The following SMAD3 variants were observed in gnomAD, a reference collection of about 807,000 sequenced individuals.
SMAD3 encodes SMAD family member 3, also known as MAD homolog 3.
In SMAD3, 12 loss-of-function variants were observed where a neutral mutation model predicts 51.8. The ratio of observed to expected loss-of-function variants is 0.23; its 90% CI spans 0.15 to 0.38. The LOEUF (loss-of-function observed/expected upper bound fraction) is 0.38, where lower values mean the gene tolerates loss of function less well. SMAD3 is among the 10% of genes least tolerant of loss of function. The pLI is 1.00. For missense variants in SMAD3, 294 were observed against 565.6 expected, an observed-to-expected ratio of 0.52 and a Z score of 4.87; for synonymous variants, 238 against 227.7, an observed-to-expected ratio of 1.05 and a Z score of -0.41.
At chr15:67,165,113 G>A in intron 2 of SMAD3, 25 bp downstream of exon 2, 3 of 1,613,160 alleles carry the variant, frequency 1.9e-6, no homozygotes, top group East Asian at 2.2e-5. Context: ...CTGCCTGTGG[G>A]GACAGCAGGT....
chr15:67,163,343 C>T (rs1962481885), intron 1 of SMAD3, among the ~76,000 whole-genome samples: 1 of 152,130 alleles, frequency 6.6e-6, no homozygotes, highest in Non-Finnish European at 1.5e-5. Flanking sequence ...AAGTCTCTTT[C>T]CTTACCACTG....
At chr15:67,100,960 G>T (rs1960741272) in intron 1 of SMAD3, among the ~76,000 whole-genome samples, 1 of 152,212 alleles carries the variant, frequency 6.6e-6, no homozygotes, top group Non-Finnish European at 1.5e-5. Context: ...TATGTTCTGG[G>T]TCACTGAGGA....
At chr15:67,116,196 C>T (rs1436758714) in intron 1 of SMAD3, among the ~76,000 whole-genome samples, 2 of 152,232 alleles carry the variant, frequency 1.3e-5, no homozygotes, top group Non-Finnish European at 2.9e-5. Context: ...TGTCTGAGAG[C>T]AGCTCCCAGA....
intron 1 of SMAD3, among the ~76,000 whole-genome samples, chr15:67,161,139 C>T (rs1338882953): frequency 6.6e-6 from 1 of 152,124 alleles, no homozygotes; most frequent in South Asian, 2.1e-4. Flanking sequence ...TGAAGATTAT[C>T]TTTTTTACAT....
chr15:67,141,373 C>T (rs911853661), intron 1 of SMAD3, among the ~76,000 whole-genome samples: 3 of 152,222 alleles, frequency 2.0e-5, no homozygotes, highest in Non-Finnish European at 4.4e-5. Context: ...TTCCATGCTT[C>T]TCCCTGAGAT....
At chr15:67,099,783 T>C (rs1480614169) in intron 1 of SMAD3, among the ~76,000 whole-genome samples, 1 of 152,242 alleles carries the variant, frequency 6.6e-6, no homozygotes, top group African/African-American at 2.4e-5. Context: ...TAGATTATCT[T>C]ATTTAATTGT....
chr15:67,137,010 A>T (rs1347783), intron 1 of SMAD3, among the ~76,000 whole-genome samples: 152,301 of 152,366 alleles, frequency 1, 76,118 homozygotes, highest in Non-Finnish European at 1. Flanking sequence ...CCACCATGCC[A>T]GTTCATCAGG....
intron 1 of SMAD3, among the ~76,000 whole-genome samples, chr15:67,105,287 A>G (rs1960851340): frequency 6.6e-6 from 1 of 152,120 alleles, no homozygotes; most frequent in Admixed American, 6.5e-5. Context: ...GGGAGGGAGT[A>G]GCTGCCTCTG....
chr15:67,094,353 TCATCCCAC>T (rs1960571016), intron 1 of SMAD3, among the ~76,000 whole-genome samples: 1 of 152,200 alleles, frequency 6.6e-6, no homozygotes, highest in South Asian at 2.1e-4. Flanking sequence ...TCTGGGCCCC[TCATCCCAC>T]CATCCCACCC....
chr15:67,085,127 C>T (rs1185488295), intron 1 of SMAD3, among the ~76,000 whole-genome samples: 1 of 152,198 alleles, frequency 6.6e-6, no homozygotes, highest in African/African-American at 2.4e-5. Context: ...AGTGAGGAGA[C>T]TGAGCATTTC....
chr15:67,117,774 G>T (rs1961168607), intron 1 of SMAD3, among the ~76,000 whole-genome samples: 1 of 152,222 alleles, frequency 6.6e-6, no homozygotes, highest in Admixed American at 6.5e-5. Context: ...CATGTAATGA[G>T]AATGTACAGA....
chr15:67,082,678 T>G (rs1046180838), intron 1 of SMAD3, among the ~76,000 whole-genome samples: 2 of 152,212 alleles, frequency 1.3e-5, no homozygotes, highest in Non-Finnish European at 2.9e-5. Context: ...GACGGAACTT[T>G]CTGCAGATAG....
At chr15:67,098,299 C>T (rs773546340) in intron 1 of SMAD3, among the ~76,000 whole-genome samples, 2 of 124,322 alleles carry the variant, frequency 1.6e-5, no homozygotes, top group Admixed American at 8.8e-5. Context: ...CCCCACCACC[C>T]AAGACAGATT....
chr15:67,184,346 A>G (rs1229075337), intron 6 of SMAD3, among the ~76,000 whole-genome samples: 1 of 152,052 alleles, frequency 6.6e-6, no homozygotes, highest in African/African-American at 2.4e-5. Context: ...GCCTCAAGTG[A>G]TCCTCCCACC....
At chr15:67,108,824 T>C (rs138353616) in intron 1 of SMAD3, among the ~76,000 whole-genome samples, 1 of 152,166 alleles carries the variant, frequency 6.6e-6, no homozygotes, top group East Asian at 1.9e-4. Flanking sequence ...ACTTAGTAGA[T>C]TGAAAATGAC....
At chr15:67,073,513 T>C (rs1960101499) in intron 1 of SMAD3, among the ~76,000 whole-genome samples, 1 of 152,178 alleles carries the variant, frequency 6.6e-6, no homozygotes, top group Non-Finnish European at 1.5e-5. Flanking sequence ...TCAGCAGACC[T>C]TGGTAGGTTC....
intron 1 of SMAD3, among the ~76,000 whole-genome samples, chr15:67,102,270 G>GTGT (rs570404626): frequency 9.6e-6 from 1 of 103,876 alleles, no homozygotes. Context: ...GTGTGTGTGC[G>GTGT]GTGTGTGTGT....
At chr15:67,124,244 T>C (rs1272329558) in intron 1 of SMAD3, among the ~76,000 whole-genome samples, 2 of 152,192 alleles carry the variant, frequency 1.3e-5, no homozygotes, top group African/African-American at 4.8e-5. Context: ...CCGCCTCAGC[T>C]TCCTGAAGTG....
intron 1 of SMAD3, among the ~76,000 whole-genome samples, chr15:67,112,206 A>G (rs1191849347): frequency 1.6e-5 from 2 of 126,536 alleles, no homozygotes; most frequent in East Asian, 2.4e-4. Flanking sequence ...CTGGAGTGCA[A>G]TGGCGCCATC....
Sources: allele counts gnomAD v4.1 joint callset (sites outside exome capture counted in the v4.1 genomes callset), GRCh38; gene constraint gnomAD v4.1.1; transcripts MANE v1.5; gene names NCBI Gene and HGNC (gene_info 2026-07-23, HGNC 2026-07-21).